FBXL7: variants seen among roughly 807,000 people sequenced by gnomAD.
FBXL7 encodes the protein F-box/LRR-repeat protein 7.
FBXL7 carries 12 observed loss-of-function variants against 38.3 expected under a neutral mutation model. The ratio of observed to expected loss-of-function variants is 0.31; its 90% CI spans 0.20 to 0.51. The LOEUF is 0.51. Ranked by LOEUF, FBXL7 falls within the 20% of genes least tolerant of loss-of-function variation. FBXL7 has a pLI of 0.98. For synonymous variants in FBXL7, 297 were observed against 300.9 expected (o/e 0.99, Z 0.13); for missense variants, 567 against 676.4 (o/e 0.84, Z 1.79).
intron 1 of FBXL7, among the ~76,000 whole-genome samples, chr5:15,609,251 T>A (rs372812773): frequency 3.9e-5 from 6 of 152,184 alleles, no homozygotes; most frequent in African/African-American, 1.2e-4. Context: ...GTCAAGCCGC[T>A]GCCTGCTTCT....
At chr5:15,824,561 A>G (rs376652266) in intron 2 of FBXL7, among the ~76,000 whole-genome samples, 5 of 152,254 alleles carry the variant, frequency 3.3e-5, no homozygotes, top group African/African-American at 1.2e-4. Flanking sequence ...GAAAAAAAAA[A>G]GGTTTTCTGT....
At chr5:15,816,222 C>T (rs561369420) in intron 2 of FBXL7, among the ~76,000 whole-genome samples, 33 of 151,228 alleles carry the variant, frequency 2.2e-4, no homozygotes, top group Non-Finnish European at 4.6e-4. Flanking sequence ...TGCCCATCAG[C>T]CCATGAGTGA....
chr5:15,596,071 C>T (rs1056880664), intron 1 of FBXL7, among the ~76,000 whole-genome samples: 2 of 152,154 alleles, frequency 1.3e-5, no homozygotes, highest in African/African-American at 4.8e-5. Context: ...TGGAGACTTA[C>T]AGATATTAAG....
At chr5:15,848,313 A>AC (rs1322894245) in intron 2 of FBXL7, among the ~76,000 whole-genome samples, 1 of 152,104 alleles carries the variant, frequency 6.6e-6, no homozygotes, top group Non-Finnish European at 1.5e-5. Context: ...TTAAAAAAAA[A>AC]ACACAATATG....
At chr5:15,775,879 A>G (rs528783775) in intron 2 of FBXL7, among the ~76,000 whole-genome samples, 6 of 152,254 alleles carry the variant, frequency 3.9e-5, no homozygotes, top group African/African-American at 1.4e-4. Context: ...CTTTGAACAC[A>G]GGGGAGCTTC....
At chr5:15,534,076 G>T (rs931025782) in intron 1 of FBXL7, among the ~76,000 whole-genome samples, 1 of 152,126 alleles carries the variant, frequency 6.6e-6, no homozygotes, top group Non-Finnish European at 1.5e-5. Context: ...CAGAGTTTCT[G>T]TAGATTCTAG....
At chr5:15,681,451 A>G (rs1742842270) in intron 2 of FBXL7, among the ~76,000 whole-genome samples, 1 of 152,234 alleles carries the variant, frequency 6.6e-6, no homozygotes, top group Non-Finnish European at 1.5e-5. Context: ...TATAAAGGGC[A>G]TAACTGAAAA....
At chr5:15,852,961 G>T (rs1739143746) in intron 2 of FBXL7, among the ~76,000 whole-genome samples, 1 of 152,162 alleles carries the variant, frequency 6.6e-6, no homozygotes, top group Non-Finnish European at 1.5e-5. Flanking sequence ...AGTCACTTAT[G>T]GAGGGCTGTC....
intron 2 of FBXL7, among the ~76,000 whole-genome samples, chr5:15,895,072 A>G (rs1003082514): frequency 2.0e-5 from 3 of 152,192 alleles, no homozygotes; most frequent in African/African-American, 4.8e-5. Context: ...AAAACTGTCA[A>G]TATTCTAAAA....
At chr5:15,705,054 C>T (rs1002698730) in intron 2 of FBXL7, among the ~76,000 whole-genome samples, 5 of 152,148 alleles carry the variant, frequency 3.3e-5, no homozygotes, top group African/African-American at 1.2e-4. Flanking sequence ...CTCAGAGCTT[C>T]AGAGATGCCC....
chr5:15,647,590 T>C (rs896318784), intron 2 of FBXL7, among the ~76,000 whole-genome samples: 2 of 152,220 alleles, frequency 1.3e-5, no homozygotes, highest in African/African-American at 2.4e-5. Context: ...TGAATTAATA[T>C]AATTTACCCT....
chr5:15,724,481 T>C (rs1426577880), intron 2 of FBXL7, among the ~76,000 whole-genome samples: 2 of 152,182 alleles, frequency 1.3e-5, no homozygotes, highest in African/African-American at 4.8e-5. Context: ...GTAAGTTCCT[T>C]ATTGCTCTAT....
At chr5:15,534,142 G>A (rs893828446) in intron 1 of FBXL7, among the ~76,000 whole-genome samples, 1 of 152,152 alleles carries the variant, frequency 6.6e-6, no homozygotes, top group South Asian at 2.1e-4. Flanking sequence ...AGAGTGGTAT[G>A]TTTGTTACAA....
intron 1 of FBXL7, among the ~76,000 whole-genome samples, chr5:15,516,284 C>G (rs905388125): frequency 6.6e-6 from 1 of 152,014 alleles, no homozygotes; most frequent in Non-Finnish European, 1.5e-5. Flanking sequence ...TGTGATTACC[C>G]GTCATGGTAT....
At chr5:15,545,546 A>G (rs1737872167) in intron 1 of FBXL7, among the ~76,000 whole-genome samples, 1 of 152,162 alleles carries the variant, frequency 6.6e-6, no homozygotes, top group South Asian at 2.1e-4. Context: ...TACAGTTTTT[A>G]ATGATTTCAC....
chr5:15,651,901 A>G (rs1048073754), intron 2 of FBXL7, among the ~76,000 whole-genome samples: 1 of 152,214 alleles, frequency 6.6e-6, no homozygotes, highest in Non-Finnish European at 1.5e-5. Context: ...TCTGTAGTTT[A>G]ATATAGCCAT....
intron 1 of FBXL7, among the ~76,000 whole-genome samples, chr5:15,592,157 G>A (rs1739497475): frequency 6.6e-6 from 1 of 152,160 alleles, no homozygotes; most frequent in African/African-American, 2.4e-5. Flanking sequence ...GAGGAAATGA[G>A]GCTCAGAGAA....
rs941141306 is a variant in FBXL7 at position 15,719,866 on chromosome 5, A to G, written c.127+103794A>G. ...TAAGTTCTCAAAGAGCGACCTTGGA[A>G]AGGAGAGAGAACAACCATGAAAGAC... On this transcript the variant is annotated intron_variant, in intron 2 of 3. Transcript: ENST00000504595. Among the ~76,000 whole-genome samples the G allele has an allele frequency of 4.7e-5, 7 of 148,900 alleles. 1 individual carries two copies.
chr5:15,635,720 T>G (rs560209833), intron 2 of FBXL7, among the ~76,000 whole-genome samples: 1 of 152,100 alleles, frequency 6.6e-6, no homozygotes, highest in South Asian at 2.1e-4. Flanking sequence ...TATAGGACCT[T>G]CTAGGACATA....
Sources: gnomAD v4.1 joint callset for allele counts (sites outside exome capture counted in the v4.1 genomes callset) on GRCh38, gnomAD v4.1.1 for gene constraint, MANE v1.5 for transcripts, NCBI Gene and HGNC (gene_info 2026-07-23, HGNC 2026-07-21) for gene names.